BEAN1: variants seen among roughly 807,000 people sequenced by gnomAD.
BEAN1 encodes brain expressed associated with NEDD4 1, also known as protein BEAN1.
BEAN1 carries 17 observed loss-of-function variants against 17.7 expected under a neutral mutation model. The ratio of observed to expected loss-of-function variants is 0.96; its 90% CI spans 0.66 to 1.44. The LOEUF (loss-of-function observed/expected upper bound fraction) is 1.44, where lower values mean the gene tolerates loss of function less well. Among genes scored for constraint, BEAN1 ranks in the 40% most tolerant of loss-of-function variants. BEAN1 has a pLI of 0.00. For missense variants in BEAN1, 359 were observed against 374.1 expected (o/e 0.96, Z 0.33); for synonymous variants, 142 against 151.8 (o/e 0.94, Z 0.47).
intron 2 of BEAN1, among the ~76,000 whole-genome samples, chr16:66,456,473 C>T (rs1230613493): frequency 2.0e-5 from 3 of 152,122 alleles, no homozygotes; most frequent in African/African-American, 7.2e-5. Flanking sequence ...ACTCCACTGG[C>T]ATTATATTAT....
At chr16:66,460,288 C>T (rs1296333283) in intron 2 of BEAN1, among the ~76,000 whole-genome samples, 1 of 152,234 alleles carries the variant, frequency 6.6e-6, no homozygotes, top group East Asian at 1.9e-4. Flanking sequence ...AGACACTCTC[C>T]ACCTCTCAGG....
intron 1 of BEAN1, among the ~76,000 whole-genome samples, chr16:66,432,305 A>G (rs1961837397): frequency 6.6e-6 from 1 of 152,168 alleles, no homozygotes; most frequent in Non-Finnish European, 1.5e-5. Context: ...TATGTTCTCT[A>G]TTAGGGAAGT....
chr16:66,469,651 C>T lies in BEAN1; in HGVS notation c.75C>T (p.Ser25=). The change falls in exon 3 of 5, where the codon AGC becomes AGT. Residue 25 remains serine (S), a synonymous_variant. Transcript: ENST00000536005. ...TSYFYPTFSE[S]SEHSHLLVSP... is the part of the protein sequence containing the mutation. ...ACTTCTACCCCACATTCTCAGAGAG[C>T]TCGGAGCACAGCCATCTGCTCGTGT... is the stretch of plus-strand genomic sequence containing the variant. 1 of 1,536,078 alleles carries T rather than the reference C, an allele frequency of 6.5e-7. No homozygotes were observed.
chr16:66,442,770 G>A lies in BEAN1; in HGVS notation c.25+5069G>A, dbSNP rs111483349. Among the ~76,000 whole-genome samples the A allele has an allele frequency of 7.6e-3, 1,159 of 152,312 alleles. 13 individuals are homozygous for A. The highest frequency in any genetic ancestry group is 0.024 in the African/African-American group (1,010 of 41,570). On this transcript the variant is annotated intron_variant, in intron 2 of 4. Transcript: ENST00000536005. ...ACATGCTACACGGAGAGTCTAGCTT[G>A]GTGCCTGGCACTGAGAAGATGCTCA... is the stretch of plus-strand genomic sequence containing the variant.
downstream of BEAN1, chr16:66,483,109 C>T: frequency 3.0e-6 from 1 of 330,222 alleles, no homozygotes; most frequent in Non-Finnish European, 5.9e-6. Context: ...GATCCTCTCA[C>T]CTCAGCCTCC....
At chr16:66,467,173 A>G (rs1025798745) in intron 2 of BEAN1, among the ~76,000 whole-genome samples, 1 of 152,234 alleles carries the variant, frequency 6.6e-6, no homozygotes, top group African/African-American at 2.4e-5. Context: ...ACATGTTCTT[A>G]CGCTAAAGAC....
intron 2 of BEAN1, among the ~76,000 whole-genome samples, chr16:66,444,838 G>A (rs939143677): frequency 2.0e-5 from 3 of 152,154 alleles, no homozygotes; most frequent in African/African-American, 4.8e-5. Context: ...ACTGTGGCGG[G>A]AGCATTGCCG....
chr16:66,465,557 G>A (rs1252315417), intron 2 of BEAN1, among the ~76,000 whole-genome samples: 1 of 152,082 alleles, frequency 6.6e-6, no homozygotes, highest in African/African-American at 2.4e-5. Flanking sequence ...CAGTTTGCTG[G>A]TATTAAGTAC....
rs1963496613 is a variant in BEAN1, at chr16:66,471,901, T to C, written c.289+2036T>C. Among the ~76,000 whole-genome samples the C allele has an allele frequency of 6.6e-6, 1 of 152,060 alleles. No individual in the cohort carries two copies. Among genetic ancestry groups the C allele is most frequent in the African/African-American group, 2.4e-5 (1 of 41,380 alleles). ...AGGGCTCCTGCCCAGAGCATGCCCA[T>C]CCCCTGCAAGAGAAACCCAGGTCCC... On this transcript the variant is annotated intron_variant, in intron 3 of 4. Transcript: ENST00000536005. This position sits in a 1 kb window ranked among gnomAD's most constrained non-coding sequence, Gnocchi z 4.7.
chr16:66,493,048 G>A (rs1205349800), exon 5 of BEAN1: 12 of 702,820 alleles, frequency 1.7e-5, no homozygotes, highest in Non-Finnish European at 2.9e-5. Flanking sequence ...TGGGCTACAC[G>A]GCCACCTTGG....
At chr16:66,457,654 CT>C (rs1962924094) in intron 2 of BEAN1, among the ~76,000 whole-genome samples, 1 of 152,174 alleles carries the variant, frequency 6.6e-6, no homozygotes, top group Non-Finnish European at 1.5e-5. Context: ...CTTAGTTCAT[CT>C]TTCGAGACCC....
At chr16:66,454,729 C>CTTTTTTTTTTTTTTTTTTTTTTTTTTTT (rs538469751) in intron 2 of BEAN1, among the ~76,000 whole-genome samples, 1 of 83,682 alleles carries the variant, frequency 1.2e-5, no homozygotes. Context: ...TTCTTTCTTT[C>CTTTTTTTTTTTTTTTTTTTTTTTTTTTT]TTTTTTTTTT....
intron 2 of BEAN1, among the ~76,000 whole-genome samples, chr16:66,439,707 A>G (rs546493589): frequency 1.3e-5 from 2 of 152,126 alleles, no homozygotes; most frequent in Non-Finnish European, 2.9e-5. Flanking sequence ...TGCAGTAGGC[A>G]CTCAATGTTT....
At chr16:66,439,518 A>G (rs1962164723) in intron 2 of BEAN1, among the ~76,000 whole-genome samples, 4 of 152,042 alleles carry the variant, frequency 2.6e-5, no homozygotes, top group Non-Finnish European at 5.9e-5. Context: ...TTTGGGCTGA[A>G]CCCCAGGCCA....
At chr16:66,486,492 T>C (rs1275593663), downstream of BEAN1, among the ~76,000 whole-genome samples, 5 of 152,114 alleles carry the variant, frequency 3.3e-5, no homozygotes, top group Admixed American at 1.3e-4. Flanking sequence ...TGACCTCAGG[T>C]GATCTGCCTG....
At chr16:66,429,871 G>A (rs1007489791) in intron 1 of BEAN1, among the ~76,000 whole-genome samples, 3 of 152,192 alleles carry the variant, frequency 2.0e-5, no homozygotes, top group Non-Finnish European at 2.9e-5. Flanking sequence ...CGGGGATGCA[G>A]GCATTACTGT....
intron 2 of BEAN1, among the ~76,000 whole-genome samples, chr16:66,469,241 G>C (rs2142431075): frequency 6.6e-6 from 1 of 152,352 alleles, no homozygotes; most frequent in Non-Finnish European, 1.5e-5. Context: ...AACTTGTCTA[G>C]CTCTAAGAGT....
intron 2 of BEAN1, among the ~76,000 whole-genome samples, chr16:66,461,656 T>A (rs544633485): frequency 5.4e-4 from 81 of 150,904 alleles, no homozygotes; most frequent in African/African-American, 1.8e-3. Flanking sequence ...TCTAAGCACC[T>A]GCAACCCTGC....
intron 3 of BEAN1, among the ~76,000 whole-genome samples, chr16:66,474,616 G>GA (rs1567505257): frequency 4.7e-4 from 11 of 23,544 alleles, no homozygotes; most frequent in East Asian, 1.4e-3. Context: ...GAGGGAGGGA[G>GA]GAAGGGAGGG....
Sources: allele counts gnomAD v4.1 joint callset (sites outside exome capture counted in the v4.1 genomes callset), GRCh38; gene constraint gnomAD v4.1.1; non-coding constraint Gnocchi (gnomAD v3.1); transcripts MANE v1.5; gene names NCBI Gene and HGNC (gene_info 2026-07-23, HGNC 2026-07-21).